AIG1: variants seen among roughly 807,000 people sequenced by gnomAD.
AIG1 encodes androgen induced 1.
Under a neutral mutation model 31.4 loss-of-function variants are expected in AIG1, and 23 were observed. The ratio of observed to expected loss-of-function variants is 0.73; its 90% confidence interval spans 0.53 to 1.04. The LOEUF (loss-of-function observed/expected upper bound fraction) is 1.04, where lower values mean the gene tolerates loss of function less well. AIG1 is among the 50% of genes least tolerant of loss of function. The pLI is 0.00. For synonymous variants in AIG1, 100 were observed against 110.5 expected (o/e 0.90, Z 0.60); for missense variants, 274 against 295.0 (o/e 0.93, Z 0.52).
intron 3 of AIG1, among the ~76,000 whole-genome samples, chr6:143,245,983 TACACTA>T (rs970148800): frequency 1.3e-5 from 2 of 152,100 alleles, no homozygotes; most frequent in African/African-American, 2.4e-5. Context: ...GCACATAAAA[TACACTA>T]ACACTAACAA....
intron 3 of AIG1, among the ~76,000 whole-genome samples, chr6:143,166,354 T>G (rs905288115): frequency 3.3e-5 from 5 of 152,106 alleles, no homozygotes; most frequent in Non-Finnish European, 7.4e-5. Context: ...TTCTCCAACT[T>G]TTTCCTTTTC....
At chr6:143,084,370 C>A (rs538672576) in intron 1 of AIG1, among the ~76,000 whole-genome samples, 1 of 152,318 alleles carries the variant, frequency 6.6e-6, no homozygotes, top group East Asian at 1.9e-4. Context: ...TCCTTGTAGA[C>A]TGCACTGGAA....
chr6:143,104,937 G>A (rs1255657587), intron 1 of AIG1, among the ~76,000 whole-genome samples: 1 of 151,902 alleles, frequency 6.6e-6, no homozygotes, highest in African/African-American at 2.4e-5. Context: ...CTGAATGTGT[G>A]CAAGAGATAT....
At chr6:143,335,235 T>A in intron 5 of AIG1, 1 of 966,442 alleles carries the variant, frequency 1.0e-6, no homozygotes, top group Non-Finnish European at 1.4e-6. Flanking sequence ...ATCAGTATTT[T>A]AAAATTGGGT....
intron 3 of AIG1, among the ~76,000 whole-genome samples, chr6:143,273,422 CTGAG>C (rs1796678319): frequency 1.3e-5 from 2 of 152,168 alleles, no homozygotes; most frequent in South Asian, 4.1e-4. Flanking sequence ...TTAAATTTTA[CTGAG>C]TGCAGGAACA....
chr6:143,162,967 A>G lies in AIG1; in HGVS notation c.298-2115A>G, dbSNP rs9373376. Among the ~76,000 whole-genome samples, 484 of 152,284 alleles carry G rather than the reference A, an allele frequency of 3.2e-3. 13 individuals are homozygous for G. The East Asian group carries it at 0.061, about 19-fold the overall frequency. On this transcript the variant is annotated intron_variant, in intron 2 of 5. Transcript: ENST00000357847. ...CACTCCATGGGAAGGGAGGAGGCTC[A>G]AGGTGGCTGAAGTAGAGCCTCCCCA...
rs1298529419 is a variant in AIG1, at chr6:143,330,290, T to A, written c.516-2992T>A. Among the ~76,000 whole-genome samples, 1 of 151,908 alleles carries A rather than the reference T, an allele frequency of 6.6e-6. No individual in the cohort carries two copies. The highest frequency in any genetic ancestry group is 2.1e-4 in the South Asian group (1 of 4,822). ...GGAGAAAAAATAAAGGATGAAAGAA[T>A]AGAGAGTTTGAGGGTAGAGGTTGCA... On this transcript the variant is annotated intron_variant, in intron 4 of 5. Transcript: ENST00000357847. The surrounding 1 kb of genome is among the most constrained non-coding windows in gnomAD (Gnocchi z 4.4).
At chr6:143,243,023 T>C (rs1053411025) in intron 3 of AIG1, among the ~76,000 whole-genome samples, 1 of 152,116 alleles carries the variant, frequency 6.6e-6, no homozygotes. Context: ...TCTGCCAACA[T>C]TATTTCCATC....
chr6:143,139,036 A>G (rs1784022729), intron 2 of AIG1, among the ~76,000 whole-genome samples: 1 of 152,158 alleles, frequency 6.6e-6, no homozygotes, highest in Non-Finnish European at 1.5e-5. Flanking sequence ...TCAAAAGCTC[A>G]TGGCATATGC....
chr6:143,117,182 A>G (rs564889761), intron 1 of AIG1, among the ~76,000 whole-genome samples: 99 of 152,248 alleles, frequency 6.5e-4, no homozygotes, highest in Non-Finnish European at 1.2e-3. Context: ...CAAACCCAGG[A>G]GACCAGTGGC....
intron 2 of AIG1, among the ~76,000 whole-genome samples, chr6:143,160,111 C>T (rs918850725): frequency 9.2e-5 from 14 of 152,162 alleles, no homozygotes; most frequent in Non-Finnish European, 1.8e-4. Context: ...TTCCTCCCCT[C>T]TTCCCTCTGT....
chr6:143,131,639 A>G (rs1182522027), intron 1 of AIG1, among the ~76,000 whole-genome samples: 2 of 152,222 alleles, frequency 1.3e-5, no homozygotes, highest in Admixed American at 6.5e-5. Flanking sequence ...GACCCTAGCC[A>G]ACAGCCAATA....
chr6:143,096,497 C>A (rs1457544476), intron 1 of AIG1, among the ~76,000 whole-genome samples: 1 of 152,170 alleles, frequency 6.6e-6, no homozygotes, highest in Non-Finnish European at 1.5e-5. Flanking sequence ...ATGAGAGTGA[C>A]TAAGTTATTT....
rs751464049 is a variant in AIG1, at chr6:143,229,784, C to CAAAAAAAAAAAA, written c.400-54317_400-54306dup. Among the ~76,000 whole-genome samples the CAAAAAAAAAAAA allele has an allele frequency of 5.0e-5, 4 of 80,708 alleles. 2 individuals are homozygous for CAAAAAAAAAAAA. The allele number at this position is 80,708 out of a possible 152,430, so 52.9% of individuals were successfully genotyped here. A position where few individuals can be genotyped will look rare whatever the true frequency, so the allele number is the denominator to read the frequency against. On this transcript the variant is annotated intron_variant, in intron 3 of 5. Transcript: ENST00000357847. The stretch of plus-strand genomic sequence containing the variant: ...GCCTCTCGTTTCTGGACTCTCAGAA[C>CAAAAAAAAAAAA]AAAAAAAAAAAAAAAAAAAAGGATC...
At position 143,262,660 on chromosome 6, in the gene AIG1, A is replaced by G. The variant is rs913429454; in HGVS notation, c.400-21450A>G. Among the ~76,000 whole-genome samples, 5 of 152,278 alleles carry G rather than the reference A, an allele frequency of 3.3e-5. No homozygotes were observed. The East Asian group carries it at 9.6e-4, about 29-fold the overall frequency. On this transcript the variant is annotated intron_variant, in intron 3 of 5. Transcript: ENST00000357847. Reference sequence around the variant, plus strand: ...GATCAGAAAAAGGTAGAAGGAGGCAATATGCATCAAAACAGAACTAAAAAT... The same window carrying G: ...GATCAGAAAAAGGTAGAAGGAGGCAGTATGCATCAAAACAGAACTAAAAAT...
rs35498304 is a variant in AIG1 at position 143,331,846 on chromosome 6, T to TTTATTATTA, written c.516-1403_516-1395dup. Reference sequence around the variant, plus strand: ...AAATGAGGTACATGTGTAGGTAATGTTTATTATTATTATTATTATTATTAT... The same window carrying TTTATTATTA: ...AAATGAGGTACATGTGTAGGTAATGTTTATTATTATTATTATTATTATTATTATTATTAT... On this transcript the variant is annotated intron_variant, in intron 4 of 5. Transcript: ENST00000357847. This position sits in a 1 kb window ranked among gnomAD's most constrained non-coding sequence, Gnocchi z 4.1. 0.035 allele frequency among the ~76,000 whole-genome samples: 4,860 copies of TTTATTATTA among 137,568 alleles called. 146 individuals are homozygous for TTTATTATTA. The highest frequency in any genetic ancestry group is 0.08 in the East Asian group (368 of 4,602). 90.2% of individuals were successfully genotyped at this position (137,568 alleles called of 152,430 possible). A position where few individuals can be genotyped will look rare whatever the true frequency, so the allele number is the denominator to read the frequency against.
intron 1 of AIG1, among the ~76,000 whole-genome samples, chr6:143,103,609 G>A (rs1031404198): frequency 2.1e-5 from 3 of 140,984 alleles, no homozygotes; most frequent in African/African-American, 5.3e-5. Context: ...CCGGGTTCAC[G>A]CCATTCTCCT....
intron 3 of AIG1, among the ~76,000 whole-genome samples, chr6:143,282,842 A>G (rs1174969105): frequency 2.0e-5 from 3 of 152,264 alleles, no homozygotes; most frequent in Non-Finnish European, 4.4e-5. Context: ...TTTGCCTGCC[A>G]AGGCCTACTT....
intron 4 of AIG1, among the ~76,000 whole-genome samples, chr6:143,306,460 G>T (rs9496576): frequency 0.73 from 110,677 of 151,878 alleles, 42,058 homozygotes; most frequent in East Asian, 1. Context: ...GTCTGTAAAG[G>T]ATTTTATTTT....
Sources: gnomAD v4.1 joint callset for allele counts (sites outside exome capture counted in the v4.1 genomes callset) on GRCh38, gnomAD v4.1.1 for gene constraint, Gnocchi (gnomAD v3.1) non-coding constraint, MANE v1.5 for transcripts, NCBI Gene and HGNC (gene_info 2026-07-23, HGNC 2026-07-21) for gene names.